RPL4: variants seen among roughly 807,000 people sequenced by gnomAD.
RPL4 encodes ribosomal protein L4, also known as large ribosomal subunit protein uL4.
In RPL4, 3 loss-of-function variants were observed where a neutral mutation model predicts 47.7. The observed-to-expected ratio is 0.06, with a 90% CI of 0.03 to 0.16. The LOEUF (loss-of-function observed/expected upper bound fraction) is 0.16, where lower values mean the gene tolerates loss of function less well. Ranked by LOEUF, RPL4 falls within the 10% of genes least tolerant of loss-of-function variation. The pLI, the probability that RPL4 is intolerant of heterozygous loss-of-function variation, is 1.00. For missense variants in RPL4, 413 were observed against 551.3 expected (o/e 0.75, Z 2.51); for synonymous variants, 208 against 182.1 (o/e 1.14, Z -1.15).
At chr15:66,504,621 G>A (rs1484341016) in intron 1 of RPL4, among the ~76,000 whole-genome samples, 167 bp downstream of exon 1, 1 of 152,046 alleles carries the variant, frequency 6.6e-6, no homozygotes. Flanking sequence ...CTCTAAGATG[G>A]CTGCCGTATC....
rs1165120628 is a variant in RPL4 at position 66,499,394 on chromosome 15, C to G, written c.*13G>C. On this transcript the variant is annotated 3_prime_UTR_variant, in exon 10 of 10. Transcript: ENST00000307961. The stretch of plus-strand genomic sequence containing the variant: ...AATGATTTGACCTTTATGGAATAAT[C>G]AAATTTAAGAGTTTATGCAGCAGGC... The G allele has an allele frequency of 6.3e-7, 1 of 1,590,048 alleles. No individual in the cohort carries two copies. Among genetic ancestry groups the G allele is most frequent in the Non-Finnish European group, 8.5e-7 (1 of 1,174,356 alleles).
Position 66,503,531 on chromosome 15 carries a change from TAAAGA to T in RPL4, c.4-7_4-3del. ...CGATATCAGTGGGCGAGCACACGCCTAAAGAAAAAGACAAGGATTATTTTTATTGA... is the reference window on the plus strand; with the variant it reads ...CGATATCAGTGGGCGAGCACACGCCTAAAAGACAAGGATTATTTTTATTGA... On this transcript the variant is annotated splice_region_variant and splice_polypyrimidine_tract_variant and intron_variant, in intron 1 of 9. Coordinates refer to ENST00000307961, the MANE Select transcript of RPL4 (RefSeq NM_000968.4). 6.3e-7 allele frequency: 1 copy of T among 1,581,356 alleles called. No homozygotes were observed. The highest frequency in any genetic ancestry group is 8.6e-7 in the Non-Finnish European group (1 of 1,160,550).
intron 1 of RPL4, among the ~76,000 whole-genome samples, chr15:66,504,209 A>T (rs1893696339): frequency 6.6e-6 from 1 of 152,066 alleles, no homozygotes; most frequent in South Asian, 2.1e-4. Flanking sequence ...CCTATTCCCT[A>T]TGTTTTCATC....
rs542888621 is a variant in RPL4 at position 66,504,819 on chromosome 15, C to T, written c.-29G>A. On this transcript the variant is annotated 5_prime_UTR_variant, in exon 1 of 10. Coordinates refer to ENST00000307961, the MANE Select transcript of RPL4 (RefSeq NM_000968.4). Reference sequence around the variant, plus strand: ...GGAGAGAGGAGACAGCCACGCTCCTCTCAGCCCGGCTGCTGCCACAGGAAA... The same window carrying T: ...GGAGAGAGGAGACAGCCACGCTCCTTTCAGCCCGGCTGCTGCCACAGGAAA... The T allele has an allele frequency of 1.9e-6, 3 of 1,609,850 alleles. No homozygotes were observed. Among genetic ancestry groups the T allele is most frequent in the Non-Finnish European group, 2.5e-6 (3 of 1,178,764 alleles).
rs551480045 is a variant in RPL4 at position 66,500,190 on chromosome 15, G to A, written c.918-14C>T. On this transcript the variant is annotated splice_polypyrimidine_tract_variant and intron_variant, in intron 8 of 9. Coordinates refer to ENST00000307961, the MANE Select transcript of RPL4 (RefSeq NM_000968.4). ...TGGATCTTCTTGCTATAAAAAAGCA[G>A]ATACTGTATCAACATTTTACTTAAC... 3.7e-6 allele frequency: 6 copies of A among 1,613,844 alleles called. No homozygotes were observed. The East Asian group carries it at 1.1e-4, about 30-fold the overall frequency.
At chr15:66,501,630 A>G in intron 5 of RPL4, 126 bp from the exon 6 acceptor site, 1 of 1,505,144 alleles carries the variant, frequency 6.6e-7, no homozygotes, top group Non-Finnish European at 9.0e-7. Flanking sequence ...ACACAGAGCC[A>G]TAAACAGCAG....
intron 3 of RPL4, 137 bp from the exon 4 acceptor site, chr15:66,502,887 G>A: frequency 7.0e-7 from 1 of 1,422,398 alleles, no homozygotes; most frequent in Non-Finnish European, 9.9e-7. Flanking sequence ...AACAGAGTAA[G>A]ACGCAAATTA....
chr15:66,502,034 C>T, intron 4 of RPL4, 122 bp from the exon 5 acceptor site: 1 of 1,257,358 alleles, frequency 8.0e-7, no homozygotes, highest in Non-Finnish European at 1.2e-6. Context: ...TCAGAATTTC[C>T]ACAAATATCA....
rs551480045 is a variant in RPL4 at position 66,500,190 on chromosome 15, G to C, written c.918-14C>G. 3.7e-6 allele frequency: 6 copies of C among 1,613,726 alleles called. No individual in the cohort carries two copies. The highest frequency in any genetic ancestry group is 5.1e-6 in the Non-Finnish European group (6 of 1,179,948). ...TGGATCTTCTTGCTATAAAAAAGCAGATACTGTATCAACATTTTACTTAAC... is the reference window on the plus strand; with the variant it reads ...TGGATCTTCTTGCTATAAAAAAGCACATACTGTATCAACATTTTACTTAAC... On this transcript the variant is annotated splice_polypyrimidine_tract_variant and intron_variant, in intron 8 of 9. Transcript: ENST00000307961.
chr15:66,504,479 G>C (rs1363766623), intron 1 of RPL4, among the ~76,000 whole-genome samples: 1 of 152,162 alleles, frequency 6.6e-6, no homozygotes, highest in Non-Finnish European at 1.5e-5. Flanking sequence ...TCCCAAGCTA[G>C]GCAGAGACAA....
chr15:66,503,657 A>T lies in RPL4; in HGVS notation c.4-128T>A, dbSNP rs1893676875. ...TGGTATGGTGAGGCAAACAACCCTT[A>T]AACCAAAATAGCAGTAAATGACTAG... On this transcript the variant is annotated intron_variant, in intron 1 of 9. Coordinates refer to ENST00000307961, the MANE Select transcript of RPL4 (RefSeq NM_000968.4). The T allele has an allele frequency of 5.8e-6, 5 of 868,138 alleles. No individual in the cohort carries two copies. In the East Asian group the frequency reaches 1.4e-4, roughly 24 times the overall value. The allele number at this position is 868,138 out of a possible 1,614,324, so 53.8% of individuals were successfully genotyped here. A position where few individuals can be genotyped will look rare whatever the true frequency, so the allele number is the denominator to read the frequency against.
In RPL4 at chr15:66,500,491, A is replaced by G. The variant is rs1893588198; in HGVS notation, c.834-115T>C. Reference sequence around the variant, plus strand: ...TCTCCAAAATATCTACTACACTATCACTTCTCATAAACATGGACCAGGCCG... The same window carrying G: ...TCTCCAAAATATCTACTACACTATCGCTTCTCATAAACATGGACCAGGCCG... On this transcript the variant is annotated intron_variant, in intron 7 of 9. Transcript: ENST00000307961. 9.1e-6 allele frequency: 8 copies of G among 879,730 alleles called. No homozygotes were observed. The South Asian group carries it at 1.2e-4, about 14-fold the overall frequency. The allele number at this position is 879,730 out of a possible 1,614,324, so 54.5% of individuals were successfully genotyped here. A position where few individuals can be genotyped will look rare whatever the true frequency, so the allele number is the denominator to read the frequency against.
At chr15:66,501,673 G>T in intron 5 of RPL4, 115 bp downstream of exon 5, 1 of 1,518,886 alleles carries the variant, frequency 6.6e-7, no homozygotes, top group Non-Finnish European at 8.9e-7. Flanking sequence ...CGGGCTCTGA[G>T]GTTCTTGTTC....
At chr15:66,501,743 T>C (rs1567034729) in intron 5 of RPL4, 45 bp downstream of exon 5, 3 of 1,597,654 alleles carry the variant, frequency 1.9e-6, no homozygotes, top group Admixed American at 1.8e-5. Context: ...AGTGACAAAC[T>C]GTGAACAAGG....
In RPL4 at chr15:66,498,698, G is replaced by C. The variant is rs1423214041; in HGVS notation, c.*709C>G. On this transcript the variant is annotated 3_prime_UTR_variant, in exon 10 of 10. Coordinates refer to ENST00000307961, the MANE Select transcript of RPL4 (RefSeq NM_000968.4). ...TGCAACCTCCACCTCCCAGGTTCAA[G>C]TGATTCTCTTGCCTCAGCCTCCAAG... 1 of 152,432 alleles carries C rather than the reference G, an allele frequency of 6.6e-6. No homozygotes were observed. Among genetic ancestry groups the C allele is most frequent in the Admixed American group, 6.5e-5 (1 of 15,290 alleles). The allele number at this position is 152,432 out of a possible 1,614,324, so 9.4% of individuals were successfully genotyped here.
At chr15:66,504,697 A>G (rs1313798674) in intron 1 of RPL4, 91 bp downstream of exon 1, 3 of 1,561,346 alleles carry the variant, frequency 1.9e-6, no homozygotes, top group Non-Finnish European at 2.6e-6. Flanking sequence ...TCCTCGCTCT[A>G]TCTCCTACAG....
intron 4 of RPL4, 151 bp downstream of exon 4, chr15:66,502,461 C>T (rs564666510): frequency 1.2e-6 from 1 of 815,636 alleles, no homozygotes; most frequent in South Asian, 2.0e-5. Flanking sequence ...CTGGAATATC[C>T]ATGAACTAAA....
intron 5 of RPL4, 70 bp from the exon 6 acceptor site, chr15:66,501,574 T>A: frequency 1.3e-6 from 2 of 1,590,368 alleles, no homozygotes; most frequent in Middle Eastern, 3.4e-4. Flanking sequence ...GAGTTTTAAT[T>A]CCTTTTTACA....
chr15:66,504,063 T>C (rs1893691116), intron 1 of RPL4, among the ~76,000 whole-genome samples: 1 of 152,204 alleles, frequency 6.6e-6, no homozygotes, highest in African/African-American at 2.4e-5. Context: ...CTTCCAGATA[T>C]TTTTCGGTCT....
Sources: allele counts gnomAD v4.1 joint callset (sites outside exome capture counted in the v4.1 genomes callset), GRCh38; gene constraint gnomAD v4.1.1; transcripts MANE v1.5; gene names NCBI Gene and HGNC (gene_info 2026-07-23, HGNC 2026-07-21).